The following COL28A1 variants were observed in gnomAD, a reference collection of about 807,000 sequenced individuals.
The protein encoded by COL28A1 is collagen type XXVIII alpha 1 chain.
Under a neutral mutation model 150.2 loss-of-function variants are expected in COL28A1, and 161 were observed. That is an observed-to-expected ratio of 1.07 (90% CI 0.94 to 1.22). COL28A1 has a LOEUF of 1.22. Among genes scored for constraint, COL28A1 ranks in the 50% most tolerant of loss-of-function variants. The pLI, the probability that COL28A1 is intolerant of heterozygous loss-of-function variation, is 0.00. For synonymous variants in COL28A1, 552 were observed against 469.7 expected, an observed-to-expected ratio of 1.18 and a Z score of -2.26; for missense variants, 1,617 against 1,388.3, an observed-to-expected ratio of 1.16 and a Z score of -2.62.
At chr7:7,492,385 C>T (rs1289437762) in intron 11 of COL28A1, among the ~76,000 whole-genome samples, 1 of 150,204 alleles carries the variant, frequency 6.7e-6, no homozygotes, top group Admixed American at 6.6e-5. Flanking sequence ...ACCAGCCTGG[C>T]CAACATGGTG....
In COL28A1 at chr7:7,374,038, A is replaced by ATATAT. The variant is rs1554260692; in HGVS notation, c.2360-493_2360-492insATATA. On this transcript the variant is annotated intron_variant, in intron 31 of 34. Transcript: ENST00000399429. Reference sequence around the variant, plus strand: ...TACTTGACTCTTAAAAAAAAAAAAAAATATATATATATATATATATATACT... The same window carrying ATATAT: ...TACTTGACTCTTAAAAAAAAAAAAAATATATATATATATATATATATATATATACT... Among the ~76,000 whole-genome samples, 381 of 113,592 alleles carry ATATAT rather than the reference A, an allele frequency of 3.4e-3. 5 individuals carry two copies. The highest frequency in any genetic ancestry group is 4.5e-3 in the South Asian group (14 of 3,092). The allele number at this position is 113,592 out of a possible 152,430, so 74.5% of individuals were successfully genotyped here.
Position 7,506,036 on chromosome 7 carries a change from G to T in COL28A1, c.1004C>A (p.Pro335Gln). The change falls in exon 11 of 35, where the codon CCA becomes CAA. Residue 335 changes from proline (P) to glutamine (Q), a missense_variant. Coordinates refer to ENST00000399429, the MANE Select transcript of COL28A1 (RefSeq NM_001037763.3). ...GITGPPGDPG[P>Q]KGFQGNKGEP... ...TACCTTATTGCCTTGAAACCCCTTT[G>T]GGCCTGGGTCTCCTGGAGGTCCAGT... is the stretch of plus-strand genomic sequence containing the variant. 6.8e-7 allele frequency: 1 copy of T among 1,476,158 alleles called. No individual in the cohort carries two copies. The highest frequency in any genetic ancestry group is 9.5e-7 in the Non-Finnish European group (1 of 1,054,072). The allele number at this position is 1,476,158 out of a possible 1,614,324, so 91.4% of individuals were successfully genotyped here. A position where few individuals can be genotyped will look rare whatever the true frequency, so the allele number is the denominator to read the frequency against.
intron 27 of COL28A1, 90 bp downstream of exon 27, chr7:7,417,769 A>C: frequency 9.5e-7 from 1 of 1,050,398 alleles, no homozygotes; most frequent in Non-Finnish European, 1.5e-6. Context: ...AATCTATTTC[A>C]TAATAGCCAT....
Position 7,373,310 on chromosome 7 carries a change from C to T in COL28A1, c.2596G>A (p.Asp866Asn), listed in dbSNP as rs774718566. ...SSKDDFKLAV[D>N]NMQYLGEGTY... Reference sequence around the variant, plus strand: ...CCTTCCCCCAGATACTGCATGTTGTCCACAGCCAACTTGAAGTCATCCTTG... The same window carrying T: ...CCTTCCCCCAGATACTGCATGTTGTTCACAGCCAACTTGAAGTCATCCTTG... Residue 866 changes from aspartate (D) to asparagine (N), a missense_variant, in exon 32 of 35, where the codon GAC (aspartate) becomes AAC (asparagine). Transcript: ENST00000399429. The surrounding 1 kb of genome is among the most constrained non-coding windows in gnomAD (Gnocchi z 4.1). 6.2e-7 allele frequency: 1 copy of T among 1,614,170 alleles called. No individual in the cohort carries two copies. The highest frequency in any genetic ancestry group is 1.1e-5 in the South Asian group (1 of 91,082).
chr7:7,393,036 C>T (rs935310545), intron 27 of COL28A1, among the ~76,000 whole-genome samples: 6 of 152,062 alleles, frequency 3.9e-5, no homozygotes, highest in South Asian at 2.1e-4. Flanking sequence ...GAGTTGTGAT[C>T]CTTTGGAGGA....
intron 10 of COL28A1, 65 bp downstream of exon 10, chr7:7,507,052 G>C (rs1179292617): frequency 2.4e-6 from 2 of 822,928 alleles, no homozygotes; most frequent in Admixed American, 1.9e-5. Context: ...AGTGGGCAAG[G>C]GGATGGTTTA....
chr7:7,383,251 T>G, intron 27 of COL28A1, among the ~76,000 whole-genome samples: 1 of 69,654 alleles, frequency 1.4e-5, no homozygotes, highest in African/African-American at 7.1e-5. Context: ...TTTTTTTTGT[T>G]GTGTGTGTGT....
At chr7:7,502,937 TCCGCCCGCCTCGGC>T (rs1780615816) in intron 11 of COL28A1, among the ~76,000 whole-genome samples, 1 of 145,096 alleles carries the variant, frequency 6.9e-6, no homozygotes, top group South Asian at 2.2e-4. Context: ...GACCTCGTGA[TCCGCCCGCCTCGGC>T]CTCCCAAAGT....
At chr7:7,472,077 G>C (rs1012256779) in intron 15 of COL28A1, among the ~76,000 whole-genome samples, 4 of 152,142 alleles carry the variant, frequency 2.6e-5, no homozygotes, top group African/African-American at 4.8e-5. Context: ...ACTGAATGGA[G>C]AAAAGCTGAA....
intron 33 of COL28A1, among the ~76,000 whole-genome samples, chr7:7,362,916 A>T (rs1476939191): frequency 6.6e-6 from 1 of 152,018 alleles, no homozygotes. Context: ...GGCTGGTCTC[A>T]AACTCCTGGC....
chr7:7,482,041 G>T (rs1212466657), intron 13 of COL28A1, among the ~76,000 whole-genome samples: 1 of 152,162 alleles, frequency 6.6e-6, no homozygotes. Context: ...CAGTTCAAAA[G>T]TAGGTCTCGG....
At chr7:7,407,754 G>A (rs1273347034) in intron 27 of COL28A1, among the ~76,000 whole-genome samples, 2 of 152,014 alleles carry the variant, frequency 1.3e-5, no homozygotes, top group Non-Finnish European at 1.5e-5. Flanking sequence ...AAAGAGAATA[G>A]TAAATACATG....
At chr7:7,507,091 C>T (rs753326005) in intron 10 of COL28A1, 26 bp downstream of exon 10, 9 of 1,015,948 alleles carry the variant, frequency 8.9e-6, no homozygotes, top group African/African-American at 1.6e-5. Flanking sequence ...CTAATTCAAA[C>T]TTAGATTTGG....
At position 7,423,200 on chromosome 7, in the gene COL28A1, G is replaced by T. The variant is rs143180901; in HGVS notation, c.1999-3247C>A. Among the ~76,000 whole-genome samples the T allele has an allele frequency of 5.9e-3, 898 of 152,302 alleles. 6 individuals carry two copies. The highest frequency in any genetic ancestry group is 0.01 in the Middle Eastern group (3 of 294). ...GGATGATGTCTGAGGATTGCTTCAG[G>T]ATAATGTGGTGAGGGGAGGAGTGAA... On this transcript the variant is annotated intron_variant, in intron 25 of 34. Transcript: ENST00000399429.
chr7:7,390,263 T>C (rs1284940146), intron 27 of COL28A1, among the ~76,000 whole-genome samples: 1 of 152,224 alleles, frequency 6.6e-6, no homozygotes, highest in Non-Finnish European at 1.5e-5. Context: ...GTGGTTTTTG[T>C]CATTGGTTCT....
intron 21 of COL28A1, 89 bp from the exon 22 acceptor site, chr7:7,437,551 T>A (rs1785434629): frequency 6.7e-7 from 1 of 1,482,950 alleles, no homozygotes; most frequent in Non-Finnish European, 9.0e-7. Flanking sequence ...TGTCTGCAGA[T>A]TTTTAAATTA....
intron 1 of COL28A1, among the ~76,000 whole-genome samples, chr7:7,534,760 T>C (rs535920002): frequency 1.3e-5 from 2 of 152,316 alleles, no homozygotes; most frequent in Admixed American, 6.5e-5. Context: ...CTGATCCCTG[T>C]ATATATGATA....
upstream of COL28A1, among the ~76,000 whole-genome samples, chr7:7,537,903 G>T (rs1782705183): frequency 6.6e-6 from 1 of 152,154 alleles, no homozygotes; most frequent in Non-Finnish European, 1.5e-5. Context: ...GCTGAGGCAG[G>T]TTAAAAACAT....
Position 7,358,789 on chromosome 7 carries a change from T to C in COL28A1, c.3222A>G (p.Glu1074=). The part of the protein sequence containing the change: ...VDGAEDPRCL[E]ALKPGNCGEY... ...CACCACAGTTTCCAGGCTTCAAGGC[T>C]TCCAAACATCTAGGATCTAGAGTGA... Residue 1074 remains glutamate, a synonymous_variant, in exon 35 of 35, where the codon GAA becomes GAG. Transcript: ENST00000399429. 8 of 1,613,584 alleles carry C rather than the reference T, an allele frequency of 5.0e-6. No homozygotes were observed. The highest frequency in any genetic ancestry group is 6.8e-6 in the Non-Finnish European group (8 of 1,179,734).
Sources: allele counts gnomAD v4.1 joint callset (sites outside exome capture counted in the v4.1 genomes callset), GRCh38; gene constraint gnomAD v4.1.1; non-coding constraint Gnocchi (gnomAD v3.1); transcripts MANE v1.5; gene names NCBI Gene and HGNC (gene_info 2026-07-23, HGNC 2026-07-21).